The following CDKAL1 variants were observed in gnomAD, a reference collection of about 807,000 sequenced individuals.
The protein encoded by CDKAL1 is threonylcarbamoyladenosine tRNA methylthiotransferase.
CDKAL1 carries 32 observed loss-of-function variants against 68.2 expected under a neutral mutation model. The ratio of observed to expected loss-of-function variants is 0.47; its 90% CI spans 0.35 to 0.63. The LOEUF is 0.63. CDKAL1 is among the 30% of genes least tolerant of loss of function. The pLI is 0.00. For synonymous variants in CDKAL1, 234 were observed against 244.3 expected, an observed-to-expected ratio of 0.96 and a Z score of 0.39; for missense variants, 606 against 696.7, an observed-to-expected ratio of 0.87 and a Z score of 1.47.
intron 8 of CDKAL1, among the ~76,000 whole-genome samples, chr6:20,833,119 T>A (rs1279534177): frequency 6.6e-6 from 1 of 152,198 alleles, no homozygotes; most frequent in Non-Finnish European, 1.5e-5. Flanking sequence ...CTGATGTATT[T>A]ATTGGAATAC....
intron 13 of CDKAL1, among the ~76,000 whole-genome samples, chr6:21,155,069 A>T (rs1776585557): frequency 6.6e-6 from 1 of 151,214 alleles, no homozygotes. Context: ...GCTTTTATTT[A>T]AAACGTTTAC....
chr6:20,875,801 AATAG>A (rs1164566789), intron 9 of CDKAL1, among the ~76,000 whole-genome samples: 7 of 152,272 alleles, frequency 4.6e-5, no homozygotes, highest in African/African-American at 1.7e-4. Context: ...CCTCATATAT[AATAG>A]ATCTATTTGA....
At chr6:20,635,387 A>G (rs903557027) in intron 4 of CDKAL1, among the ~76,000 whole-genome samples, 32 of 152,138 alleles carry the variant, frequency 2.1e-4, no homozygotes, top group African/African-American at 7.7e-4. Flanking sequence ...AACTCCTGCT[A>G]TTCTAGCCCC....
chr6:21,225,166 G>GCTGA (rs1779694396), intron 15 of CDKAL1, among the ~76,000 whole-genome samples: 1 of 152,184 alleles, frequency 6.6e-6, no homozygotes, highest in Non-Finnish European at 1.5e-5. Context: ...AGGAGGGCCA[G>GCTGA]CTGACAAGAC....
chr6:20,808,898 T>C (rs889933332), intron 8 of CDKAL1, among the ~76,000 whole-genome samples: 1 of 152,208 alleles, frequency 6.6e-6, no homozygotes, highest in Non-Finnish European at 1.5e-5. Flanking sequence ...TGTCTTTGAT[T>C]TTGTGTTGAG....
intron 4 of CDKAL1, among the ~76,000 whole-genome samples, chr6:20,613,285 T>C (rs1317678790): frequency 4.2e-5 from 3 of 72,206 alleles, no homozygotes; most frequent in Non-Finnish European, 7.5e-5. Context: ...TTTTTTTTTT[T>C]TTTTTTTGAG....
intron 13 of CDKAL1, among the ~76,000 whole-genome samples, chr6:21,127,737 G>A (rs893080422): frequency 4.6e-5 from 7 of 152,170 alleles, no homozygotes; most frequent in African/African-American, 1.7e-4. Flanking sequence ...GTGACAGAGT[G>A]AGACTCTATC....
At chr6:21,161,026 A>G (rs1776903834) in intron 13 of CDKAL1, among the ~76,000 whole-genome samples, 1 of 152,080 alleles carries the variant, frequency 6.6e-6, no homozygotes, top group South Asian at 2.1e-4. Context: ...GTAATACAGG[A>G]AGCCCCTTTT....
intron 12 of CDKAL1, among the ~76,000 whole-genome samples, chr6:21,098,919 G>A (rs1262109547): frequency 1.3e-5 from 2 of 152,162 alleles, no homozygotes; most frequent in Non-Finnish European, 2.9e-5. Flanking sequence ...CTTTAATGCA[G>A]TACTTGAAAT....
chr6:20,788,662 A>AT (rs1775773552), intron 8 of CDKAL1, among the ~76,000 whole-genome samples: 1 of 152,192 alleles, frequency 6.6e-6, no homozygotes, highest in African/African-American at 2.4e-5. Context: ...AGCTTAGCAC[A>AT]TTAATACATA....
intron 5 of CDKAL1, among the ~76,000 whole-genome samples, chr6:20,719,910 G>C (rs946882474): frequency 3.3e-5 from 5 of 152,062 alleles, no homozygotes; most frequent in Non-Finnish European, 7.4e-5. Context: ...GTTAAATCTT[G>C]CTCATTTTAA....
chr6:21,018,804 T>C (rs1294831030), intron 11 of CDKAL1, among the ~76,000 whole-genome samples: 1 of 152,192 alleles, frequency 6.6e-6, no homozygotes, highest in Non-Finnish European at 1.5e-5. Context: ...TTGTGACTCT[T>C]TTTGTTCTCC....
chr6:20,907,832 A>G (rs930196947), intron 9 of CDKAL1, among the ~76,000 whole-genome samples: 4 of 152,154 alleles, frequency 2.6e-5, no homozygotes, highest in African/African-American at 9.7e-5. Flanking sequence ...TCTGTGTGGC[A>G]GCTGCTTCTG....
rs570778266 is a variant in CDKAL1 at position 20,846,050 on chromosome 6, T to C, written c.639-25T>C. The C allele has an allele frequency of 5.6e-5, 81 of 1,458,116 alleles. No individual in the cohort carries two copies. In the South Asian group the frequency reaches 8.3e-4, roughly 15 times the overall value. The allele number at this position is 1,458,116 out of a possible 1,614,324, so 90.3% of individuals were successfully genotyped here. A position where few individuals can be genotyped will look rare whatever the true frequency, so the allele number is the denominator to read the frequency against. ...TATGCTATCTTTAGAAATTTGAGTC[T>C]TATTTATTGTTATCATTTGAACAGG... On this transcript the variant is annotated intron_variant, in intron 8 of 15. Coordinates refer to ENST00000274695, the MANE Select transcript of CDKAL1 (RefSeq NM_017774.3).
At chr6:21,034,299 C>T (rs1281221874) in intron 11 of CDKAL1, among the ~76,000 whole-genome samples, 1 of 152,164 alleles carries the variant, frequency 6.6e-6, no homozygotes, top group Non-Finnish European at 1.5e-5. Context: ...AGATGGTCTC[C>T]ATCTTCTCAG....
intron 13 of CDKAL1, among the ~76,000 whole-genome samples, chr6:21,125,014 T>A (rs1392312260): frequency 6.6e-6 from 1 of 152,104 alleles, no homozygotes; most frequent in African/African-American, 2.4e-5. Context: ...TCATAAGTTG[T>A]TTTTTGTTTC....
At chr6:21,035,863 C>A (rs1393468302) in intron 11 of CDKAL1, among the ~76,000 whole-genome samples, 1 of 152,116 alleles carries the variant, frequency 6.6e-6, no homozygotes, top group South Asian at 2.1e-4. Flanking sequence ...GAGCATTTAG[C>A]ACTTGGAAGG....
Position 21,065,238 on chromosome 6 carries a change from T to C in CDKAL1, c.1236+10T>C, listed in dbSNP as rs750040628. The C allele has an allele frequency of 3.8e-6, 6 of 1,596,046 alleles. No individual in the cohort carries two copies. The South Asian group carries it at 4.7e-5, about 12-fold the overall frequency. On this transcript the variant is annotated intron_variant, in intron 12 of 15. Transcript: ENST00000274695. ...AGTTCCAGCACAAGTGGTAAGATCT[T>C]TTTCTTGTAAGGTATTGTTTTTTGC...
chr6:20,572,170 A>C (rs1311581573), intron 4 of CDKAL1, among the ~76,000 whole-genome samples: 2 of 152,144 alleles, frequency 1.3e-5, no homozygotes, highest in Admixed American at 6.5e-5. Context: ...ACTTCTCCCA[A>C]GATACCCATG....
Sources: gnomAD v4.1 joint callset for allele counts (sites outside exome capture counted in the v4.1 genomes callset) on GRCh38, gnomAD v4.1.1 for gene constraint, MANE v1.5 for transcripts, NCBI Gene and HGNC (gene_info 2026-07-23, HGNC 2026-07-21) for gene names.